The following CUX1 variants were observed in gnomAD, a reference collection of about 807,000 sequenced individuals.
CUX1 encodes the protein protein CASP.
A neutral mutation model predicts 158.8 loss-of-function variants in CUX1; 31 were observed. The observed-to-expected ratio is 0.20, with a 90% CI of 0.15 to 0.26. The LOEUF (loss-of-function observed/expected upper bound fraction) is 0.26, where lower values mean the gene tolerates loss of function less well. Ranked by LOEUF, CUX1 falls within the 10% of genes least tolerant of loss-of-function variation. CUX1 has a pLI of 1.00. For synonymous variants in CUX1, 879 were observed against 862.1 expected (o/e 1.02, Z -0.34); for missense variants, 1,589 against 2,014.6 (o/e 0.79, Z 4.04).
At chr7:102,264,959 A>G (rs1790692907) in intron 14 of CUX1, 1 of 152,256 alleles carries the variant, frequency 6.6e-6, no homozygotes, top group Non-Finnish European at 1.5e-5. Context: ...GGGCACCCCG[A>G]ATACTTGCCT....
intron 2 of CUX1, among the ~76,000 whole-genome samples, chr7:101,951,789 G>A (rs766204366): frequency 4.6e-5 from 7 of 152,250 alleles, no homozygotes; most frequent in African/African-American, 1.7e-4. Flanking sequence ...TTACAGGTAT[G>A]GGCCACTGCA....
chr7:102,016,769 C>G (rs1818642223), intron 2 of CUX1, among the ~76,000 whole-genome samples: 1 of 152,198 alleles, frequency 6.6e-6, no homozygotes, highest in Non-Finnish European at 1.5e-5. Flanking sequence ...CTGCCTACAT[C>G]TCTGATTATT....
chr7:102,158,708 T>A (rs1790071249), intron 9 of CUX1, 100 bp downstream of exon 9: 2 of 1,127,330 alleles, frequency 1.8e-6, no homozygotes, highest in Non-Finnish European at 2.7e-6. Flanking sequence ...CCGGTTATCC[T>A]TCCATTTTTT....
Position 102,000,524 on chromosome 7 carries a change from T to C in CUX1, c.142-27574T>C, listed in dbSNP as rs186741823. Reference sequence around the variant, plus strand: ...AATGTATATTTCAAGACCATTGACATTGGAAAACATTCTTGTTTAATCAAT... The same window carrying C: ...AATGTATATTTCAAGACCATTGACACTGGAAAACATTCTTGTTTAATCAAT... On this transcript the variant is annotated intron_variant, in intron 2 of 23. Transcript: ENST00000292535. Among the ~76,000 whole-genome samples, 723 of 152,330 alleles carry C rather than the reference T, an allele frequency of 4.7e-3. 7 individuals are homozygous for C. The highest frequency in any genetic ancestry group is 7.8e-3 in the Non-Finnish European group (530 of 68,032).
chr7:102,281,870 C>T (rs372479780), exon 21 of CUX1: 20 of 1,613,402 alleles, frequency 1.2e-5, no homozygotes, highest in South Asian at 2.2e-5. Context: ...CAAGATGGCG[C>T]GCACCATCGG....
intron 1 of CUX1, among the ~76,000 whole-genome samples, chr7:101,819,846 C>T (rs114761150): frequency 2.0e-5 from 3 of 152,270 alleles, no homozygotes; most frequent in African/African-American, 7.2e-5. Flanking sequence ...CCTTTGACTA[C>T]ATCCTCGGCT....
intron 1 of CUX1, among the ~76,000 whole-genome samples, chr7:101,821,254 C>T (rs189006065): frequency 1.1e-4 from 17 of 151,830 alleles, no homozygotes; most frequent in Admixed American, 9.2e-4. Flanking sequence ...TACTCCCCCC[C>T]GCCCCCAAAA....
chr7:102,231,544 C>T (rs1356147489), intron 21 of CUX1, among the ~76,000 whole-genome samples: 2 of 152,044 alleles, frequency 1.3e-5, no homozygotes, highest in Non-Finnish European at 2.9e-5. Flanking sequence ...ATCTAGGAGT[C>T]ATACAGATAA....
chr7:102,229,338 T>C (rs182667044), intron 21 of CUX1, among the ~76,000 whole-genome samples: 6 of 150,606 alleles, frequency 4.0e-5, no homozygotes, highest in Non-Finnish European at 3.0e-5. Context: ...AGCCTCACTC[T>C]GTCGCCCAGG....
chr7:101,884,545 C>A (rs1800031413), intron 1 of CUX1, among the ~76,000 whole-genome samples: 1 of 152,154 alleles, frequency 6.6e-6, no homozygotes, highest in South Asian at 2.1e-4. Context: ...GTGTTAAACT[C>A]ATGCTCTCCA....
At chr7:102,283,321 C>A (rs566907648) in exon 23 of CUX1, 9 of 560,040 alleles carry the variant, frequency 1.6e-5, no homozygotes, top group Admixed American at 3.0e-5. Flanking sequence ...CAGGCTAAGC[C>A]GCAGAGACCC....
intron 4 of CUX1, among the ~76,000 whole-genome samples, chr7:102,087,757 A>T (rs1398519770): frequency 6.6e-6 from 1 of 152,188 alleles, no homozygotes; most frequent in African/African-American, 2.4e-5. Flanking sequence ...ATACATGGTT[A>T]CTATTTTTTC....
intron 2 of CUX1, among the ~76,000 whole-genome samples, chr7:101,951,666 C>A (rs1391057997): frequency 6.6e-6 from 1 of 152,280 alleles, no homozygotes; most frequent in African/African-American, 2.4e-5. Context: ...CCACCACACC[C>A]TGGCTAATTT....
intron 1 of CUX1, among the ~76,000 whole-genome samples, chr7:101,840,849 G>C (rs953582372): frequency 5.3e-5 from 8 of 151,718 alleles, no homozygotes; most frequent in African/African-American, 9.6e-5. Flanking sequence ...CACTTTTTTT[G>C]TTTTTGGTCT....
At chr7:102,052,965 G>A (rs1202713943) in intron 3 of CUX1, among the ~76,000 whole-genome samples, 1 of 152,034 alleles carries the variant, frequency 6.6e-6, no homozygotes, top group Non-Finnish European at 1.5e-5. Flanking sequence ...GTGCCACCAT[G>A]CCCAGCTAAT....
chr7:102,163,915 A>G (rs1039682945), intron 9 of CUX1, among the ~76,000 whole-genome samples: 2 of 152,206 alleles, frequency 1.3e-5, no homozygotes, highest in Admixed American at 6.5e-5. Flanking sequence ...TTATTGCTCA[A>G]CCACTGTGCT....
intron 2 of CUX1, among the ~76,000 whole-genome samples, chr7:101,936,947 T>C (rs771524338): frequency 1.3e-5 from 2 of 152,138 alleles, no homozygotes; most frequent in Non-Finnish European, 2.9e-5. Flanking sequence ...AAAAATACTG[T>C]CCCTGGGCCC....
At position 102,196,863 on chromosome 7, in the gene CUX1, C is replaced by G; in HGVS notation, c.1452C>G (p.Leu484=). 1.2e-6 allele frequency: 2 copies of G among 1,614,216 alleles called. No homozygotes were observed. The highest frequency in any genetic ancestry group is 1.7e-6 in the Non-Finnish European group (2 of 1,180,052). The change falls in exon 15 of 24, where the codon CTC becomes CTG. Residue 484 remains leucine, a synonymous_variant. Transcript: ENST00000292535. ...STGKFALNSL[L]QRQLMQSFYS... ...GAAAATTTGCACTAAACTCTCTTCT[C>G]CAGCGGCAGCTAATGCAGTCCTTCT...
intron 8 of CUX1, among the ~76,000 whole-genome samples, chr7:102,134,678 G>T (rs1478129457): frequency 1.3e-5 from 2 of 152,186 alleles, no homozygotes; most frequent in Non-Finnish European, 2.9e-5. Flanking sequence ...ACTCACTGCA[G>T]CCCTGACCTC....
Sources: gnomAD v4.1 joint callset for allele counts (sites outside exome capture counted in the v4.1 genomes callset) on GRCh38, gnomAD v4.1.1 for gene constraint, MANE v1.5 for transcripts, NCBI Gene and HGNC (gene_info 2026-07-23, HGNC 2026-07-21) for gene names.